The following DAPK1 variants were observed in gnomAD, a reference collection of about 807,000 sequenced individuals.
The protein encoded by DAPK1 is death-associated protein kinase 1.
Under a neutral mutation model 144.9 loss-of-function variants are expected in DAPK1, and 56 were observed. The ratio of observed to expected loss-of-function variants is 0.39; its 90% CI spans 0.31 to 0.48. The LOEUF is 0.48. Ranked by LOEUF, DAPK1 falls within the 20% of genes least tolerant of loss-of-function variation. The pLI is 0.95. For synonymous variants in DAPK1, 690 were observed against 749.0 expected (o/e 0.92, Z 1.29); for missense variants, 1,454 against 1,875.4 (o/e 0.78, Z 4.15).
chr9:87,650,326 C>A, intron 16 of DAPK1: 1 of 548,366 alleles, frequency 1.8e-6, no homozygotes, highest in Non-Finnish European at 3.2e-6. Context: ...TAACAAAATT[C>A]ATGAGTTGAT....
intron 3 of DAPK1, among the ~76,000 whole-genome samples, chr9:87,610,083 A>G (rs539068814): frequency 2.0e-5 from 3 of 152,204 alleles, no homozygotes; most frequent in Non-Finnish European, 4.4e-5. Flanking sequence ...TTAATGGTGC[A>G]GTTGTCAAAT....
In DAPK1 at chr9:87,571,476, A is replaced by ACACACCCCC. The variant is rs771023885; in HGVS notation, c.63-33478_63-33477insCACACCCCC. On this transcript the variant is annotated intron_variant, in intron 2 of 25. Transcript: ENST00000408954. ...ACACACACACACACACACACACACC[A>ACACACCCCC]ACACACACACACACACACCCCAACA... Among the ~76,000 whole-genome samples, 32 of 48,556 alleles carry ACACACCCCC rather than the reference A, an allele frequency of 6.6e-4. 4 individuals carry two copies. The highest frequency in any genetic ancestry group is 1.7e-3 in the African/African-American group (19 of 10,896). 31.9% of individuals were successfully genotyped at this position (48,556 alleles called of 152,430 possible).
At chr9:87,517,214 A>G (rs2378746) in intron 2 of DAPK1, among the ~76,000 whole-genome samples, 92,865 of 151,594 alleles carry the variant, frequency 0.61, 28,784 homozygotes, top group South Asian at 0.83. Flanking sequence ...CTTAGTGGGC[A>G]CCGATAGCAG....
intron 2 of DAPK1, among the ~76,000 whole-genome samples, chr9:87,562,327 C>A (rs561910640): frequency 4.1e-4 from 63 of 152,300 alleles, no homozygotes; most frequent in African/African-American, 1.5e-3. Context: ...TGTCGTAACT[C>A]CAGGACTGAA....
At chr9:87,560,394 A>G (rs2118647074) in intron 2 of DAPK1, among the ~76,000 whole-genome samples, 1 of 152,298 alleles carries the variant, frequency 6.6e-6, no homozygotes, top group South Asian at 2.1e-4. Flanking sequence ...AAAGCGTGCA[A>G]CTGAGTTGTG....
intron 3 of DAPK1, among the ~76,000 whole-genome samples, chr9:87,625,671 A>G (rs1587783255): frequency 6.6e-6 from 1 of 152,364 alleles, no homozygotes; most frequent in East Asian, 1.9e-4. Context: ...AACATCCACA[A>G]GCCCAGAAAG....
rs144616814 is a variant in DAPK1 at position 87,674,047 on chromosome 9, G to T, written c.2001+5373G>T. On this transcript the variant is annotated intron_variant, in intron 19 of 25. Transcript: ENST00000408954. ...AGGAGGGACCCCTTCTATGGGAAAG[G>T]GGTTGATCTAGATTTTTATATCAGC... Among the ~76,000 whole-genome samples the T allele has an allele frequency of 6.8e-4, 104 of 152,204 alleles. 1 individual carries two copies. In the East Asian group the frequency reaches 0.018, roughly 26 times the overall value.
At chr9:87,694,190 C>T (rs574810948) in intron 21 of DAPK1, among the ~76,000 whole-genome samples, 7 of 152,278 alleles carry the variant, frequency 4.6e-5, no homozygotes, top group African/African-American at 1.7e-4. Flanking sequence ...GCAATCTGTG[C>T]TGATGTTGGC....
chr9:87,614,515 G>T lies in DAPK1; in HGVS notation c.284+9340G>T, dbSNP rs183451261. Among the ~76,000 whole-genome samples the T allele has an allele frequency of 1.3e-3, 192 of 152,258 alleles. 2 individuals are homozygous for T. Among genetic ancestry groups the T allele is most frequent in the Middle Eastern group, 6.8e-3 (2 of 294 alleles). On this transcript the variant is annotated intron_variant, in intron 3 of 25. Transcript: ENST00000408954. Reference sequence around the variant, plus strand: ...ACTAGACTCTTCTGCATCACTCTCTGGGGTGGTGCAGGTCCTGCAAATTGT... The same window carrying T: ...ACTAGACTCTTCTGCATCACTCTCTTGGGTGGTGCAGGTCCTGCAAATTGT...
chr9:87,563,531 CAG>C (rs756737046), intron 2 of DAPK1, among the ~76,000 whole-genome samples: 9 of 152,346 alleles, frequency 5.9e-5, no homozygotes, highest in African/African-American at 9.6e-5. Context: ...CTCTGCCCAG[CAG>C]AGTCTTGCAG....
At chr9:87,623,049 G>A (rs1457831795) in intron 3 of DAPK1, among the ~76,000 whole-genome samples, 1 of 152,198 alleles carries the variant, frequency 6.6e-6, no homozygotes, top group African/African-American at 2.4e-5. Context: ...CATCATTTGA[G>A]TCAGTGGGTT....
intron 18 of DAPK1, among the ~76,000 whole-genome samples, chr9:87,662,521 T>C (rs901896995): frequency 9.4e-5 from 14 of 149,106 alleles, no homozygotes; most frequent in Non-Finnish European, 1.8e-4. Flanking sequence ...TAGTTTGCCT[T>C]GTAGAGATCT....
chr9:87,640,774 T>A, intron 8 of DAPK1, 28 bp from the exon 9 acceptor site: 1 of 1,607,140 alleles, frequency 6.2e-7, no homozygotes, highest in Non-Finnish European at 8.5e-7. Context: ...GGTCACAGCA[T>A]TTTTTTTCTT....
Position 87,708,482 on chromosome 9 carries a change from G to A in DAPK1, c.*1118G>A, listed in dbSNP as rs2118149280. ...CTAATTCTTCTGTCCTGAGAAGCAT[G>A]TAATGTTAATGTTATATCATATGTA... On this transcript the variant is annotated 3_prime_UTR_variant, in exon 26 of 26. Coordinates refer to ENST00000408954, the MANE Select transcript of DAPK1 (RefSeq NM_004938.4). The A allele has an allele frequency of 6.5e-6, 1 of 152,728 alleles. No individual in the cohort carries two copies. The highest frequency in any genetic ancestry group is 1.9e-4 in the East Asian group (1 of 5,184). 9.5% of individuals were successfully genotyped at this position (152,728 alleles called of 1,614,324 possible).
intron 3 of DAPK1, among the ~76,000 whole-genome samples, chr9:87,610,984 T>TAGCACATACTTTGTAAGTATGTG (rs1399785349): frequency 6.1e-5 from 9 of 147,202 alleles, no homozygotes; most frequent in Non-Finnish European, 7.5e-5. Context: ...ATACTTTATC[T>TAGCACATACTTTGTAAGTATGTG]AGCACATACT....
At chr9:87,545,196 G>A (rs1437460196) in intron 2 of DAPK1, among the ~76,000 whole-genome samples, 2 of 152,158 alleles carry the variant, frequency 1.3e-5, no homozygotes, top group African/African-American at 4.8e-5. Flanking sequence ...AAAATCTGAG[G>A]CCTCCACTTG....
intron 2 of DAPK1, among the ~76,000 whole-genome samples, chr9:87,594,683 C>G (rs767466411): frequency 1.7e-4 from 26 of 152,238 alleles, no homozygotes; most frequent in Admixed American, 3.3e-4. Flanking sequence ...TCCATCTGCT[C>G]TCAGTTGCCA....
Position 87,643,365 on chromosome 9 carries a change from TTAAAA to T in DAPK1, c.919-10_919-6del. ...GCCCTCCCTTTTTTTTTTTTTTTTT[TTAAAA>T]AAAAGCAATCCGTTCGCTTGATATC... On this transcript the variant is annotated splice_polypyrimidine_tract_variant and splice_region_variant and intron_variant, in intron 10 of 25. Coordinates refer to ENST00000408954, the MANE Select transcript of DAPK1 (RefSeq NM_004938.4). The T allele has an allele frequency of 6.8e-7, 1 of 1,479,120 alleles. No homozygotes were observed. Among genetic ancestry groups the T allele is most frequent in the Admixed American group, 2.2e-5 (1 of 44,828 alleles). The allele number at this position is 1,479,120 out of a possible 1,614,324, so 91.6% of individuals were successfully genotyped here. A position where few individuals can be genotyped will look rare whatever the true frequency, so the allele number is the denominator to read the frequency against.
At chr9:87,671,052 A>T (rs1831232884) in intron 19 of DAPK1, among the ~76,000 whole-genome samples, 1 of 152,206 alleles carries the variant, frequency 6.6e-6, no homozygotes, top group Non-Finnish European at 1.5e-5. Flanking sequence ...GCAGTGTTGC[A>T]CTAGCCGGGG....
Sources: gnomAD v4.1 joint callset for allele counts (sites outside exome capture counted in the v4.1 genomes callset) on GRCh38, gnomAD v4.1.1 for gene constraint, MANE v1.5 for transcripts, NCBI Gene and HGNC (gene_info 2026-07-23, HGNC 2026-07-21) for gene names.